The following CACNA2D3 variants were observed in gnomAD, a reference collection of about 807,000 sequenced individuals.
The protein encoded by CACNA2D3 is calcium voltage-gated channel auxiliary subunit alpha2delta 3.
A neutral mutation model predicts 160.6 loss-of-function variants in CACNA2D3; 60 were observed. The observed-to-expected ratio is 0.37, with a 90% CI of 0.30 to 0.46. The LOEUF is 0.46. Ranked by LOEUF, CACNA2D3 falls within the 20% of genes least tolerant of loss-of-function variation. The pLI is 1.00. For missense variants in CACNA2D3, 1,205 were observed against 1,365.0 expected (o/e 0.88, Z 1.85); for synonymous variants, 558 against 492.9 (o/e 1.13, Z -1.75).
At chr3:54,617,542 A>C (rs1200545037) in intron 9 of CACNA2D3, among the ~76,000 whole-genome samples, 1 of 152,242 alleles carries the variant, frequency 6.6e-6, no homozygotes, top group Non-Finnish European at 1.5e-5. Flanking sequence ...TCTGATAGCA[A>C]TATTGCTGAA....
chr3:54,151,114 A>AATGG lies in CACNA2D3; in HGVS notation c.204+27528_204+27531dup, dbSNP rs567783043. On this transcript the variant is annotated intron_variant, in intron 2 of 37. Transcript: ENST00000474759. The stretch of plus-strand genomic sequence containing the variant: ...GGATGCATTAATGGGTGGATGGGTG[A>AATGG]ATGGATGGATGAGTGGATGGACAGA... 1.4e-3 allele frequency among the ~76,000 whole-genome samples: 216 copies of AATGG among 151,306 alleles called. 2 individuals are homozygous for AATGG. The highest frequency in any genetic ancestry group is 5.0e-3 in the African/African-American group (204 of 41,142).
chr3:54,927,046 G>A (rs1701042733), intron 27 of CACNA2D3, among the ~76,000 whole-genome samples: 1 of 152,180 alleles, frequency 6.6e-6, no homozygotes, highest in Non-Finnish European at 1.5e-5. Flanking sequence ...GAATTCATGA[G>A]CCACACAGTA....
intron 5 of CACNA2D3, among the ~76,000 whole-genome samples, chr3:54,540,275 T>TC (rs1177632181): frequency 6.6e-6 from 1 of 152,162 alleles, no homozygotes; most frequent in Non-Finnish European, 1.5e-5. Context: ...ACAGCGTTTC[T>TC]CCCCTGGCTA....
intron 6 of CACNA2D3, among the ~76,000 whole-genome samples, chr3:54,563,217 T>C (rs1702355104): frequency 6.6e-6 from 1 of 152,198 alleles, no homozygotes; most frequent in African/African-American, 2.4e-5. Flanking sequence ...GTGTGAACTG[T>C]ACCTTATTTA....
At chr3:54,552,602 T>A (rs1247929554) in intron 5 of CACNA2D3, among the ~76,000 whole-genome samples, 1 of 152,136 alleles carries the variant, frequency 6.6e-6, no homozygotes, top group Non-Finnish European at 1.5e-5. Flanking sequence ...ATCTGTAAAA[T>A]GTGGCTAGGA....
At chr3:54,152,798 G>A (rs1700176013) in intron 2 of CACNA2D3, among the ~76,000 whole-genome samples, 1 of 152,210 alleles carries the variant, frequency 6.6e-6, no homozygotes, top group South Asian at 2.1e-4. Flanking sequence ...GTATTTAAGT[G>A]TGAGAAAAAA....
intron 2 of CACNA2D3, among the ~76,000 whole-genome samples, chr3:54,285,274 G>C (rs1575368134): frequency 6.6e-6 from 1 of 152,204 alleles, no homozygotes; most frequent in East Asian, 1.9e-4. Flanking sequence ...GGCACACCAG[G>C]AGATTATATT....
chr3:54,372,598 A>T (rs1698944390), intron 3 of CACNA2D3, among the ~76,000 whole-genome samples: 2 of 151,834 alleles, frequency 1.3e-5, no homozygotes, highest in African/African-American at 2.4e-5. Flanking sequence ...TCTTTTCTTT[A>T]AAAAAAAATC....
chr3:54,808,394 A>G (rs1014018799), intron 13 of CACNA2D3, among the ~76,000 whole-genome samples: 12 of 151,920 alleles, frequency 7.9e-5, no homozygotes, highest in Admixed American at 6.6e-4. Flanking sequence ...TCTTAGGCCT[A>G]TTTGATGATC....
chr3:54,472,531 G>C (rs989016196), intron 4 of CACNA2D3, among the ~76,000 whole-genome samples: 2 of 152,262 alleles, frequency 1.3e-5, no homozygotes, highest in Admixed American at 1.3e-4. Context: ...GGAAGTTCTG[G>C]CTAGGGCAGT....
chr3:54,614,829 G>A (rs1374269768), intron 9 of CACNA2D3, among the ~76,000 whole-genome samples: 1 of 151,774 alleles, frequency 6.6e-6, no homozygotes, highest in Non-Finnish European at 1.5e-5. Flanking sequence ...GCCAAAGATG[G>A]GATAAATTAA....
At chr3:54,313,571 C>A (rs1366700133) in intron 2 of CACNA2D3, among the ~76,000 whole-genome samples, 1 of 152,108 alleles carries the variant, frequency 6.6e-6, no homozygotes, top group African/African-American at 2.4e-5. Context: ...GATGACCTGG[C>A]CTCTGCTCAC....
chr3:54,329,420 T>A (rs1393816933), intron 3 of CACNA2D3, among the ~76,000 whole-genome samples: 1 of 152,172 alleles, frequency 6.6e-6, no homozygotes. Flanking sequence ...GCCAGAGAAC[T>A]CCTGATAAAG....
chr3:54,150,056 A>AAGC (rs368509029), intron 2 of CACNA2D3, among the ~76,000 whole-genome samples: 2 of 149,798 alleles, frequency 1.3e-5, no homozygotes, highest in African/African-American at 4.9e-5. Context: ...AAACACATAC[A>AAGC]AGCACACACA....
chr3:54,851,191 C>T (rs962216681), intron 17 of CACNA2D3, among the ~76,000 whole-genome samples: 2 of 152,154 alleles, frequency 1.3e-5, no homozygotes, highest in Admixed American at 6.5e-5. Flanking sequence ...TGTGTTAATG[C>T]TTTTAATCAC....
chr3:54,340,322 A>G (rs1184537722), intron 3 of CACNA2D3, among the ~76,000 whole-genome samples: 1 of 152,202 alleles, frequency 6.6e-6, no homozygotes, highest in Non-Finnish European at 1.5e-5. Flanking sequence ...TTCATCACTT[A>G]TCTGTCCATC....
In CACNA2D3 at chr3:54,494,909, T is replaced by A. The variant is rs1267478768; in HGVS notation, c.382-8583T>A. Reference sequence around the variant, plus strand: ...TCTCATGAGAATTCACTGACTGTCATGAGGACAGCAGGGGAAACTGCTCCC... The same window carrying A: ...TCTCATGAGAATTCACTGACTGTCAAGAGGACAGCAGGGGAAACTGCTCCC... On this transcript the variant is annotated intron_variant, in intron 4 of 37. Transcript: ENST00000474759. Among the ~76,000 whole-genome samples the A allele has an allele frequency of 2.6e-5, 4 of 152,246 alleles. No homozygotes were observed. The East Asian group carries it at 7.7e-4, about 29-fold the overall frequency.
At position 54,868,926 on chromosome 3, in the gene CACNA2D3, A is replaced by C. The variant is rs556240668; in HGVS notation, c.1627-2613A>C. ...TGCCTGGGAATGTGTTTGCCATTTT[A>C]CATACAATATTTCATTTAATACTCT... On this transcript the variant is annotated intron_variant, in intron 17 of 37. Coordinates refer to ENST00000474759, the MANE Select transcript of CACNA2D3 (RefSeq NM_018398.3). Among the ~76,000 whole-genome samples the C allele has an allele frequency of 3.4e-3, 515 of 152,362 alleles. 3 individuals are homozygous for C. Among genetic ancestry groups the C allele is most frequent in the African/African-American group, 0.012 (485 of 41,582 alleles).
intron 11 of CACNA2D3, among the ~76,000 whole-genome samples, chr3:54,666,900 C>T (rs1176738557): frequency 6.6e-6 from 1 of 152,160 alleles, no homozygotes; most frequent in Non-Finnish European, 1.5e-5. Context: ...TCACCTGGGG[C>T]AGCAGAATCC....
Sources: allele counts gnomAD v4.1 joint callset (sites outside exome capture counted in the v4.1 genomes callset), GRCh38; gene constraint gnomAD v4.1.1; transcripts MANE v1.5; gene names NCBI Gene and HGNC (gene_info 2026-07-23, HGNC 2026-07-21).